Variants in BTG4 observed in about 807,000 individuals in gnomAD.
BTG4 encodes the protein BTG anti-proliferation factor 4.
BTG4 carries 10 observed loss-of-function variants against 19.3 expected under a neutral mutation model. The ratio of observed to expected loss-of-function variants is 0.52; its 90% CI spans 0.32 to 0.88. The LOEUF is 0.88. Ranked by LOEUF, BTG4 falls within the 40% of genes least tolerant of loss-of-function variation. The pLI, the probability that BTG4 is intolerant of heterozygous loss-of-function variation, is 0.04. For missense variants in BTG4, 238 were observed against 281.9 expected (o/e 0.84, Z 1.11); for synonymous variants, 91 against 95.7 (o/e 0.95, Z 0.29).
chr11:111,410,990 C>T, the BTG4 span, among the ~76,000 whole-genome samples: 6 of 152,238 alleles, frequency 3.9e-5, no homozygotes, highest in East Asian at 7.7e-4. Flanking sequence ...GCATCTCCGC[C>T]GACATTACCA....
downstream of BTG4, chr11:111,467,452 C>G (rs371213110): frequency 2.0e-6 from 1 of 489,548 alleles, no homozygotes; most frequent in African/African-American, 2.0e-5. Context: ...AATTAATGCC[C>G]CAATGCATTT....
At chr11:111,437,524 A>C in the BTG4 span, among the ~76,000 whole-genome samples, 7 of 152,332 alleles carry the variant, frequency 4.6e-5, no homozygotes, top group South Asian at 1.5e-3. Flanking sequence ...GCTGTGCTCA[A>C]CTTGAGGACT....
chr11:111,454,246 G>C, the BTG4 span: 2 of 455,442 alleles, frequency 4.4e-6, no homozygotes, highest in African/African-American at 2.0e-5. Context: ...GTGGGAGCTG[G>C]GAGGCTGAGG....
chr11:111,408,757 T>C, the BTG4 span, among the ~76,000 whole-genome samples: 1 of 152,262 alleles, frequency 6.6e-6, no homozygotes, highest in Non-Finnish European at 1.5e-5. Flanking sequence ...ATCGTGCACC[T>C]ATTCACCTAT....
chr11:111,433,051 G>A, the BTG4 span, among the ~76,000 whole-genome samples: 1 of 152,070 alleles, frequency 6.6e-6, no homozygotes, highest in Non-Finnish European at 1.5e-5. Context: ...ATCTTAACTG[G>A]GCCAAGCCAG....
chr11:111,415,651 C>T, the BTG4 span, among the ~76,000 whole-genome samples: 2 of 152,178 alleles, frequency 1.3e-5, no homozygotes, highest in African/African-American at 4.8e-5. Flanking sequence ...AGAATCAGGC[C>T]TCCAGAGCAG....
chr11:111,412,033 T>C, the BTG4 span, among the ~76,000 whole-genome samples: 1 of 152,186 alleles, frequency 6.6e-6, no homozygotes, highest in Non-Finnish European at 1.5e-5. Flanking sequence ...AAGGCAACGG[T>C]GTCAAATCAG....
At chr11:111,513,152 T>A, upstream of BTG4, 1 of 383,176 alleles carries the variant, frequency 2.6e-6, no homozygotes, top group Admixed American at 3.2e-5. Context: ...CCGCTGCAAG[T>A]GCGAGGAAAC....
the BTG4 span, among the ~76,000 whole-genome samples, chr11:111,409,486 G>T: frequency 6.6e-6 from 1 of 152,114 alleles, no homozygotes; most frequent in African/African-American, 2.4e-5. Context: ...TGTCCCTCAG[G>T]TTTGGTCTGT....
At chr11:111,490,344 G>A (rs898029939), downstream of BTG4, among the ~76,000 whole-genome samples, 1 of 151,630 alleles carries the variant, frequency 6.6e-6, no homozygotes, top group Admixed American at 6.6e-5. Flanking sequence ...AATGATCAAC[G>A]CTTGAGGTGA....
the BTG4 span, chr11:111,385,701 C>T: frequency 6.6e-6 from 1 of 152,082 alleles, no homozygotes. Context: ...GTATCTCAAT[C>T]AAATATCTAA....
the BTG4 span, among the ~76,000 whole-genome samples, chr11:111,399,992 C>T: frequency 6.6e-6 from 1 of 151,980 alleles, no homozygotes; most frequent in Non-Finnish European, 1.5e-5. Context: ...AAATGGGAGG[C>T]CCTGGAGAAA....
the BTG4 span, among the ~76,000 whole-genome samples, chr11:111,448,887 CCA>C: frequency 3.7e-3 from 91 of 24,806 alleles, no homozygotes; most frequent in African/African-American, 0.021. Context: ...ATAGTTATAC[CCA>C]AAAAAAAAAT....
In BTG4 at chr11:111,495,214, C is replaced by T; in HGVS notation, c.611G>A (p.Gly204Asp). 5 of 1,612,378 alleles carry T rather than the reference C, an allele frequency of 3.1e-6. No homozygotes were observed. The South Asian group carries it at 5.5e-5, about 18-fold the overall frequency. Residue 204 changes from glycine to aspartate, a missense_variant, in exon 5 of 5, where the codon GGC (glycine) becomes GAC (aspartate). Transcript: ENST00000692032. ...GTAACACTTAGGATGCTTCTGCGAG[C>T]CATGGTAAGTGTTTCCCAGGAGGCC... The part of the protein sequence containing the change: ...RVGLLGNTYH[G>D]SQKHPKCYRP...
chr11:111,386,690 T>C, the BTG4 span, among the ~76,000 whole-genome samples: 77 of 152,324 alleles, frequency 5.1e-4, no homozygotes, highest in African/African-American at 1.5e-3. Flanking sequence ...TGATATCAAA[T>C]TTTAAATATA....
the BTG4 span, among the ~76,000 whole-genome samples, chr11:111,394,533 C>A: frequency 6.6e-6 from 1 of 152,246 alleles, no homozygotes; most frequent in East Asian, 1.9e-4. Context: ...CCCCACCAGC[C>A]ACATGGAACT....
chr11:111,407,499 C>T, the BTG4 span, among the ~76,000 whole-genome samples: 7 of 152,004 alleles, frequency 4.6e-5, no homozygotes, highest in African/African-American at 7.3e-5. Flanking sequence ...GGTGAAACCC[C>T]GTCTCTACTA....
At position 111,475,559 on chromosome 11, in the gene BTG4, C is replaced by T. The variant is rs541815230; in HGVS notation, c.663-7878G>A. Among the ~76,000 whole-genome samples, 3 of 152,018 alleles carry T rather than the reference C, an allele frequency of 2.0e-5. No individual in the cohort carries two copies. The East Asian group carries it at 5.8e-4, about 29-fold the overall frequency. ...TTTGGAGGCCCTGGTTGAAACACCACAAAGAGATAAGCAGTCATCTGAAAG... is the reference window on the plus strand; with the variant it reads ...TTTGGAGGCCCTGGTTGAAACACCATAAAGAGATAAGCAGTCATCTGAAAG... On this transcript the variant is annotated intron_variant, in intron 5 of 5. Coordinates refer to the BTG4 transcript ENST00000356018.
chr11:111,490,980 T>C (rs530703369), downstream of BTG4, among the ~76,000 whole-genome samples: 13 of 152,368 alleles, frequency 8.5e-5, 1 homozygote, highest in Admixed American at 8.5e-4. Flanking sequence ...CAATCGGTTG[T>C]TCTTTGACAG....
Sources: allele counts gnomAD v4.1 joint callset (sites outside exome capture counted in the v4.1 genomes callset), GRCh38; gene constraint gnomAD v4.1.1; transcripts MANE v1.5; gene names NCBI Gene and HGNC (gene_info 2026-07-23, HGNC 2026-07-21).